ZNF681: variants seen among roughly 807,000 people sequenced by gnomAD.
The protein encoded by ZNF681 is zinc finger protein 681.
Under a neutral mutation model 56.0 loss-of-function variants are expected in ZNF681, and 37 were observed. The observed-to-expected ratio is 0.66, with a 90% confidence interval of 0.51 to 0.87. The LOEUF (loss-of-function observed/expected upper bound fraction) is 0.87. Ranked by LOEUF, ZNF681 falls within the 40% of genes least tolerant of loss-of-function variation. The probability of loss-of-function intolerance (pLI) is 0.00; values close to 1 mark genes in which losing one functional copy is unlikely to be tolerated. For missense variants in ZNF681, 741 were observed against 744.9 expected (o/e 0.99, Z 0.06); for synonymous variants, 225 against 248.6 (o/e 0.91, Z 0.89).
chr19:23,753,797 G>A (rs555072231), intron 3 of ZNF681, among the ~76,000 whole-genome samples: 31 of 144,810 alleles, frequency 2.1e-4, no homozygotes, highest in Non-Finnish European at 3.9e-4. Flanking sequence ...GGAAGGGAGA[G>A]GTTGCAGTGA....
At position 23,743,362 on chromosome 19, in the gene ZNF681, G is replaced by A. The variant is rs1023625427; in HGVS notation, c.*250C>T. On this transcript the variant is annotated 3_prime_UTR_variant, in exon 4 of 4. Transcript: ENST00000402377. ...GAAAGATTTTTGACAGTAATTGCAT[G>A]TATAATGCTTTTATTAAGTATGAAA... 3.4e-6 allele frequency: 1 copy of A among 294,008 alleles called. No homozygotes were observed. The highest frequency in any genetic ancestry group is 6.2e-6 in the Non-Finnish European group (1 of 161,228). 18.2% of individuals were successfully genotyped at this position (294,008 alleles called of 1,614,324 possible).
chr19:23,747,735 C>G (rs1968967039), intron 3 of ZNF681, among the ~76,000 whole-genome samples: 1 of 150,718 alleles, frequency 6.6e-6, no homozygotes, highest in African/African-American at 2.4e-5. Flanking sequence ...GCCAAACATT[C>G]ATGAAAAAGA....
At position 23,743,451 on chromosome 19, in the gene ZNF681, A is replaced by G; in HGVS notation, c.*161T>C. 1.7e-6 allele frequency: 1 copy of G among 580,228 alleles called. No homozygotes were observed. Among genetic ancestry groups the G allele is most frequent in the South Asian group, 4.0e-5 (1 of 25,198 alleles). The allele number at this position is 580,228 out of a possible 1,614,324, so 35.9% of individuals were successfully genotyped here. A position where few individuals can be genotyped will look rare whatever the true frequency, so the allele number is the denominator to read the frequency against. On this transcript the variant is annotated 3_prime_UTR_variant, in exon 4 of 4. Coordinates refer to ENST00000402377, the MANE Select transcript of ZNF681 (RefSeq NM_138286.3). ...CTTTTTCACATTCTGTATATTTGAA[A>G]TTTTTTTCTAGTACAAATGCTTTCC...
Position 23,755,530 on chromosome 19 carries a change from C to T in ZNF681, c.25G>A (p.Val9Met). MEPLKFRD[V>M]AIEFSLEEWQ... ...TCCTCCAGAGAGAATTCTATGGCCA[C>T]ATCCCTAAATTTCAATGGTTCCTGA... Residue 9 changes from valine to methionine, a missense_variant, in exon 2 of 4, where the codon GTG becomes ATG. Coordinates refer to ENST00000402377, the MANE Select transcript of ZNF681 (RefSeq NM_138286.3). 1.2e-6 allele frequency: 2 copies of T among 1,602,110 alleles called. No homozygotes were observed. The highest frequency in any genetic ancestry group is 1.7e-6 in the Non-Finnish European group (2 of 1,173,368).
At chr19:23,755,052 T>G (rs1969092575) in intron 2 of ZNF681, 134 bp from the exon 3 acceptor site, 1 of 621,720 alleles carries the variant, frequency 1.6e-6, no homozygotes, top group Non-Finnish European at 2.6e-6. Flanking sequence ...ATAAAAGAAA[T>G]TTCTAAATAT....
At chr19:23,754,994 G>C (rs967479371) in intron 2 of ZNF681, 76 bp from the exon 3 acceptor site, 8 of 1,092,028 alleles carry the variant, frequency 7.3e-6, no homozygotes, top group Non-Finnish European at 1.1e-5. Flanking sequence ...AGTCAGTAAA[G>C]AGGGTGAAAT....
chr19:23,740,745 C>T lies in ZNF681; in HGVS notation c.*2867G>A, dbSNP rs913558129. ...AACTAAAAAAAGTAGGCTTATACAGCGTTCTCCAATTAAAAGAACAAAATA... is the reference window on the plus strand; with the variant it reads ...AACTAAAAAAAGTAGGCTTATACAGTGTTCTCCAATTAAAAGAACAAAATA... On this transcript the variant is annotated 3_prime_UTR_variant, in exon 4 of 4. Transcript: ENST00000402377. The T allele has an allele frequency of 5.3e-5, 8 of 152,036 alleles. No individual in the cohort carries two copies. The highest frequency in any genetic ancestry group is 1.9e-4 in the African/African-American group (8 of 41,398). The allele number at this position is 152,036 out of a possible 1,614,324, so 9.4% of individuals were successfully genotyped here.
Position 23,743,056 on chromosome 19 carries a change from C to T in ZNF681, c.*556G>A, listed in dbSNP as rs982550951. 1 of 152,134 alleles carries T rather than the reference C, an allele frequency of 6.6e-6. No individual in the cohort carries two copies. Among genetic ancestry groups the T allele is most frequent in the Non-Finnish European group, 1.5e-5 (1 of 68,032 alleles). 9.4% of individuals were successfully genotyped at this position (152,134 alleles called of 1,614,324 possible). A position where few individuals can be genotyped will look rare whatever the true frequency, so the allele number is the denominator to read the frequency against. ...TGGATTAAATATTTTTTCATATTTA[C>T]TGCATCTGCAAAAATAGATTTTAGT... On this transcript the variant is annotated 3_prime_UTR_variant, in exon 4 of 4. Coordinates refer to ENST00000402377, the MANE Select transcript of ZNF681 (RefSeq NM_138286.3).
In ZNF681 at chr19:23,758,890, A is replaced by C; in HGVS notation, c.-141T>G. 3 of 1,180,674 alleles carry C rather than the reference A, an allele frequency of 2.5e-6. No homozygotes were observed. The South Asian group carries it at 4.2e-5, about 17-fold the overall frequency. 73.1% of individuals were successfully genotyped at this position (1,180,674 alleles called of 1,614,324 possible). ...CCCGGAGCTCGGGCTGAAGGGAGAG[A>C]CAAAGGCCCCGCCAATCCCGGAAGC... On this transcript the variant is annotated 5_prime_UTR_variant, in exon 1 of 4. Transcript: ENST00000402377.
rs759043137 is a variant in ZNF681 at position 23,755,568 on chromosome 19, C to T, written c.4-17G>A. ...CAATGGTTCCTGAAAAACACACACA[C>T]ACACACACACACACACACACACACA... On this transcript the variant is annotated splice_polypyrimidine_tract_variant and intron_variant, in intron 1 of 3. Coordinates refer to ENST00000402377, the MANE Select transcript of ZNF681 (RefSeq NM_138286.3). 4 of 1,376,804 alleles carry T rather than the reference C, an allele frequency of 2.9e-6. No homozygotes were observed. Among genetic ancestry groups the T allele is most frequent in the South Asian group, 1.5e-5 (1 of 66,628 alleles). The allele number at this position is 1,376,804 out of a possible 1,614,324, so 85.3% of individuals were successfully genotyped here.
intron 3 of ZNF681, among the ~76,000 whole-genome samples, chr19:23,753,811 G>A (rs1010099762): frequency 1.4e-5 from 2 of 144,278 alleles, no homozygotes; most frequent in African/African-American, 5.1e-5. Flanking sequence ...GCAGTGAGCC[G>A]AGATTGTGCC....
chr19:23,757,985 A>G (rs1478603328), intron 1 of ZNF681, among the ~76,000 whole-genome samples: 4 of 152,220 alleles, frequency 2.6e-5, no homozygotes, highest in Admixed American at 6.5e-5. Context: ...AATTTTATTA[A>G]AAGATAAATA....
At chr19:23,753,050 T>C (rs1670031532) in intron 3 of ZNF681, among the ~76,000 whole-genome samples, 1 of 152,084 alleles carries the variant, frequency 6.6e-6, no homozygotes, top group African/African-American at 2.4e-5. Context: ...AAATATTAAA[T>C]TAACGTACAA....
Position 23,739,373 on chromosome 19 carries a change from T to C in ZNF681, c.*4239A>G, listed in dbSNP as rs901512212. 11 of 152,126 alleles carry C rather than the reference T, an allele frequency of 7.2e-5. No individual in the cohort carries two copies. Among genetic ancestry groups the C allele is most frequent in the Admixed American group, 6.6e-4 (10 of 15,264 alleles). The allele number at this position is 152,126 out of a possible 1,614,324, so 9.4% of individuals were successfully genotyped here. A position where few individuals can be genotyped will look rare whatever the true frequency, so the allele number is the denominator to read the frequency against. On this transcript the variant is annotated 3_prime_UTR_variant, in exon 4 of 4. Coordinates refer to ENST00000402377, the MANE Select transcript of ZNF681 (RefSeq NM_138286.3). ...GAAAGATGTCAGTCAAATACATAAT[T>C]ACAGTTGAATAGGAGAAATAAGTTC...
In ZNF681 at chr19:23,744,133, T is replaced by C. The variant is rs1326632569; in HGVS notation, c.1417A>G (p.Thr473Ala). 1.2e-6 allele frequency: 2 copies of C among 1,612,934 alleles called. No homozygotes were observed. The highest frequency in any genetic ancestry group is 1.7e-6 in the Non-Finnish European group (2 of 1,179,520). Reference sequence around the variant, plus strand: ...TCACATTTGTAGGGTTTCTCTCCAGTATGAATTCTTTTATGTGTAGTAAGG... The same window carrying C: ...TCACATTTGTAGGGTTTCTCTCCAGCATGAATTCTTTTATGTGTAGTAAGG... The part of the protein sequence containing the change: ...SNLTTHKRIH[T>A]GEKPYKCEEC... Residue 473 changes from threonine to alanine, a missense_variant, in exon 4 of 4, where the codon ACT becomes GCT. Transcript: ENST00000402377.
intron 1 of ZNF681, among the ~76,000 whole-genome samples, chr19:23,758,479 T>G (rs934065959): frequency 1.3e-5 from 2 of 152,094 alleles, no homozygotes; most frequent in African/African-American, 4.8e-5. Flanking sequence ...CCTCCCGTGG[T>G]CCCTGCACAA....
intron 3 of ZNF681, among the ~76,000 whole-genome samples, chr19:23,750,446 A>G (rs1248565068): frequency 2.0e-5 from 3 of 152,156 alleles, no homozygotes; most frequent in Non-Finnish European, 2.9e-5. Flanking sequence ...CCCCACATTG[A>G]CTTAAAGTGT....
At chr19:23,754,988 AGT>A in intron 2 of ZNF681, 70 bp from the exon 3 acceptor site, 3 of 1,158,838 alleles carry the variant, frequency 2.6e-6, no homozygotes, top group African/African-American at 1.5e-5. Context: ...CAATGTAGTC[AGT>A]AAAGAGGGTG....
chr19:23,742,820 T>C lies in ZNF681; in HGVS notation c.*792A>G, dbSNP rs186789699. 1.3e-5 allele frequency: 2 copies of C among 152,300 alleles called. No homozygotes were observed. Among genetic ancestry groups the C allele is most frequent in the East Asian group, 3.9e-4 (2 of 5,180 alleles). 9.4% of individuals were successfully genotyped at this position (152,300 alleles called of 1,614,324 possible). ...GTTAAATGACATTATTCACTTTTCA[T>C]AAAACCTAATTTTTTTCAAAGGATA... is the stretch of plus-strand genomic sequence containing the variant. On this transcript the variant is annotated 3_prime_UTR_variant, in exon 4 of 4. Transcript: ENST00000402377.
Sources: gnomAD v4.1 joint callset for allele counts (sites outside exome capture counted in the v4.1 genomes callset) on GRCh38, gnomAD v4.1.1 for gene constraint, MANE v1.5 for transcripts, NCBI Gene and HGNC (gene_info 2026-07-23, HGNC 2026-07-21) for gene names.